PABIR2: variants seen among roughly 807,000 people sequenced by gnomAD.
PABIR2 encodes family with sequence similarity 122B.
In PABIR2, 7 loss-of-function variants were observed where a neutral mutation model predicts 22.8. The ratio of observed to expected loss-of-function variants is 0.31; its 90% CI spans 0.17 to 0.58. PABIR2 has a LOEUF of 0.58. Ranked by LOEUF, PABIR2 falls within the 20% of genes least tolerant of loss-of-function variation. The pLI is 0.89. For synonymous variants in PABIR2, 67 were observed against 73.8 expected, an observed-to-expected ratio of 0.91 and a Z score of 0.47; for missense variants, 155 against 205.1, an observed-to-expected ratio of 0.76 and a Z score of 1.49.
chrX:134,771,840 T>G lies in PABIR2; in HGVS notation c.*299A>C, dbSNP rs189173808. 1 of 866,711 alleles carries G rather than the reference T, an allele frequency of 1.2e-6. No individual in the cohort carries two copies. The highest frequency in any genetic ancestry group is 6.1e-5 in the East Asian group (1 of 16,380). The allele number at this position is 866,711 out of a possible 1,213,427, so 71.4% of individuals were successfully genotyped here. On this transcript the variant is annotated 3_prime_UTR_variant, in exon 10 of 10. Transcript: ENST00000343004. ...CAGTGCCTTTCTTAAATGTATAGAC[T>G]CAAAATAGGTGTTTTTTGAGGCACT...
At chrX:134,789,369 AAAT>A in intron 3 of PABIR2, 103 bp from the exon 4 acceptor site, 1 of 1,055,350 alleles carries the variant, frequency 9.5e-7, no homozygotes, top group East Asian at 3.1e-5. Flanking sequence ...GCTTCAAATA[AAAT>A]AAAAAGACTT....
At chrX:134,786,116 C>A (rs1274664889) in intron 7 of PABIR2, among the ~76,000 whole-genome samples, 166 bp from the exon 8 acceptor site, 1 of 112,240 alleles carries the variant, frequency 8.9e-6, no homozygotes, top group Admixed American at 9.5e-5. Flanking sequence ...TGATTTGAAC[C>A]AGCATATGGC....
rs1278932515 is a variant in PABIR2 at position 134,788,460 on chromosome X, A to G, written c.435+270T>C. ...ACGTTATATATGTGTTATATATGTT[A>G]TATATGTGTTATATATACGTTATAT... On this transcript the variant is annotated intron_variant, in intron 6 of 9. Transcript: ENST00000343004. Among the ~76,000 whole-genome samples the G allele has an allele frequency of 3.8e-5, 4 of 105,431 alleles. No individual in the cohort carries two copies. The East Asian group carries it at 1.1e-3, about 30-fold the overall frequency. The allele number at this position is 105,431 out of a possible 115,157, so 91.6% of individuals were successfully genotyped here.
chrX:134,785,989 C>T, intron 7 of PABIR2, 39 bp from the exon 8 acceptor site: 1 of 1,151,464 alleles, frequency 8.7e-7, no homozygotes, highest in South Asian at 1.8e-5. Context: ...TGAAGAACAT[C>T]CACGATGCAA....
rs752490727 is a variant in PABIR2 at position 134,789,631 on chromosome X, C to T, written c.183G>A (p.Leu61=). The T allele has an allele frequency of 3.5e-6, 4 of 1,151,650 alleles. No homozygotes were observed. Among genetic ancestry groups the T allele is most frequent in the East Asian group, 6.5e-5 (2 of 30,675 alleles). The allele number at this position is 1,151,650 out of a possible 1,213,427, so 94.9% of individuals were successfully genotyped here. The change falls in exon 3 of 10, where the codon CTG becomes CTA. Residue 61 remains leucine (L), a synonymous_variant. Coordinates refer to ENST00000343004, the MANE Select transcript of PABIR2 (RefSeq NM_001387468.1). ...TAGGAATACGATTAGGTGAGGATGACAGCAACTGGAAAGAAAAAGTAAACA... is the reference window on the plus strand; with the variant it reads ...TAGGAATACGATTAGGTGAGGATGATAGCAACTGGAAAGAAAAAGTAAACA... ...TTIMSRHSLL[L]SSSPNRIPSS...
In PABIR2 at chrX:134,784,323, G is replaced by A. The variant is rs75946086; in HGVS notation, c.562+1563C>T. ...TAAAAATACAGAAAATTCGCCAGGCGTGGTGGTGGTGGGTGCTTCTAATCC... is the reference window on the plus strand; with the variant it reads ...TAAAAATACAGAAAATTCGCCAGGCATGGTGGTGGTGGGTGCTTCTAATCC... On this transcript the variant is annotated intron_variant, in intron 8 of 9. Transcript: ENST00000343004. 3.7e-5 allele frequency among the ~76,000 whole-genome samples: 4 copies of A among 109,049 alleles called. No homozygotes were observed. In the East Asian group the frequency reaches 1.2e-3, roughly 32 times the overall value. 94.7% of individuals were successfully genotyped at this position (109,049 alleles called of 115,157 possible). A position where few individuals can be genotyped will look rare whatever the true frequency, so the allele number is the denominator to read the frequency against.
rs2078846588 is a variant in PABIR2, at chrX:134,771,946, A to C, written c.*193T>G. The C allele has an allele frequency of 1.0e-6, 1 of 957,249 alleles. No homozygotes were observed. The highest frequency in any genetic ancestry group is 5.5e-5 in the Admixed American group (1 of 18,344). The allele number at this position is 957,249 out of a possible 1,213,427, so 78.9% of individuals were successfully genotyped here. A position where few individuals can be genotyped will look rare whatever the true frequency, so the allele number is the denominator to read the frequency against. ...AATCCAAAATGAGATCAGCAAAACC[A>C]GATACTAGTAAGGTCACTAGGCTCA... On this transcript the variant is annotated 3_prime_UTR_variant, in exon 10 of 10. Coordinates refer to ENST00000343004, the MANE Select transcript of PABIR2 (RefSeq NM_001387468.1).
rs1409294317 is a variant in PABIR2, at chrX:134,796,249, G to A, written c.-44C>T. 2 of 1,083,908 alleles carry A rather than the reference G, an allele frequency of 1.8e-6. No individual in the cohort carries two copies. The highest frequency in any genetic ancestry group is 4.5e-5 in the Admixed American group (2 of 44,450). 89.3% of individuals were successfully genotyped at this position (1,083,908 alleles called of 1,213,427 possible). A position where few individuals can be genotyped will look rare whatever the true frequency, so the allele number is the denominator to read the frequency against. On this transcript the variant is annotated 5_prime_UTR_variant, in exon 1 of 10. Transcript: ENST00000343004. ...CACAGCGGGCAGTGCTCAGCTCCTG[G>A]TGCTTAGCTATGGACTCCCAAGACT...
At position 134,770,177 on chromosome X, in the gene PABIR2, C is replaced by G. The variant is rs2147861341; in HGVS notation, c.*1962G>C. On this transcript the variant is annotated 3_prime_UTR_variant, in exon 10 of 10. Transcript: ENST00000343004. ...AGAAGACAGTAGGTGGATAAATATC[C>G]TGAAAGACAAAACCATCTATTATCA... 8.9e-6 allele frequency: 1 copy of G among 112,268 alleles called. No individual in the cohort carries two copies. Among genetic ancestry groups the G allele is most frequent in the East Asian group, 2.8e-4 (1 of 3,581 alleles). 9.3% of individuals were successfully genotyped at this position (112,268 alleles called of 1,213,427 possible).
rs2079244340 is a variant in PABIR2 at position 134,784,327 on chromosome X, TG to T, written c.562+1558del. On this transcript the variant is annotated intron_variant, in intron 8 of 9. Coordinates refer to ENST00000343004, the MANE Select transcript of PABIR2 (RefSeq NM_001387468.1). ...AATACAGAAAATTCGCCAGGCGTGG[TG>T]GTGGTGGGTGCTTCTAATCCCAGCT... Among the ~76,000 whole-genome samples the T allele has an allele frequency of 1.8e-5, 2 of 108,762 alleles. 1 individual carries two copies. Among genetic ancestry groups the T allele is most frequent in the Admixed American group, 2.0e-4 (2 of 10,035 alleles). The allele number at this position is 108,762 out of a possible 115,157, so 94.4% of individuals were successfully genotyped here. A position where few individuals can be genotyped will look rare whatever the true frequency, so the allele number is the denominator to read the frequency against.
intron 2 of PABIR2, 62 bp downstream of exon 2, chrX:134,793,753 A>G: frequency 3.7e-6 from 4 of 1,087,869 alleles, no homozygotes; most frequent in Non-Finnish European, 5.1e-6. Flanking sequence ...TTTAAGAAAG[A>G]ACTCCATTTC....
At chrX:134,772,316 T>C in intron 9 of PABIR2, 33 bp from the exon 10 acceptor site, 4 of 1,154,498 alleles carry the variant, frequency 3.5e-6, no homozygotes, top group Non-Finnish European at 3.5e-6. Flanking sequence ...TATAAGCAAA[T>C]GCAACTATCA....
Position 134,793,896 on chromosome X carries a change from G to GA in PABIR2, c.99-4dup, listed in dbSNP as rs2064340919. 3.3e-6 allele frequency: 4 copies of GA among 1,196,377 alleles called. No homozygotes were observed. The highest frequency in any genetic ancestry group is 4.5e-6 in the Non-Finnish European group (4 of 890,678). On this transcript the variant is annotated splice_region_variant and splice_polypyrimidine_tract_variant and intron_variant, in intron 1 of 9. Coordinates refer to ENST00000343004, the MANE Select transcript of PABIR2 (RefSeq NM_001387468.1). ...GTTGGAAAACCTGTGAAAGGTCACTGAAAAAAACAAAAACAAACAAACAAA... is the reference window on the plus strand; with the variant it reads ...GTTGGAAAACCTGTGAAAGGTCACTGAAAAAAAACAAAAACAAACAAACAAA...
At chrX:134,788,217 ACAC>A (rs2079411677) in intron 6 of PABIR2, among the ~76,000 whole-genome samples, 1 of 54,848 alleles carries the variant, frequency 1.8e-5, no homozygotes, top group East Asian at 5.4e-4. Context: ...TGTAATATAT[ACAC>A]GTTATATATG....
chrX:134,775,543 T>G (rs1469810039), intron 9 of PABIR2, among the ~76,000 whole-genome samples: 1 of 98,178 alleles, frequency 1.0e-5, no homozygotes, highest in Non-Finnish European at 2.0e-5. Context: ...AAAAAAAAAG[T>G]ACTTATGACT....
rs1400948215 is a variant in PABIR2, at chrX:134,796,270, A to G, written c.-65T>C. 58 of 834,049 alleles carry G rather than the reference A, an allele frequency of 7.0e-5. No individual in the cohort carries two copies. Among genetic ancestry groups the G allele is most frequent in the Non-Finnish European group, 9.4e-5 (57 of 609,082 alleles). 68.7% of individuals were successfully genotyped at this position (834,049 alleles called of 1,213,427 possible). ...CCTGGTGCTTAGCTATGGACTCCCA[A>G]GACTCTCACTGCAGGACTGAGCTGC... On this transcript the variant is annotated 5_prime_UTR_variant, in exon 1 of 10. Coordinates refer to ENST00000343004, the MANE Select transcript of PABIR2 (RefSeq NM_001387468.1).
At position 134,796,436 on chromosome X, in the gene PABIR2, G is replaced by A. The variant is rs894772483; in HGVS notation, c.-231C>T. ...GGAGGATGATGGTGAGGCAGGAGAG[G>A]AGGACGAAGAGGTAGTGGTGGAAGG... On this transcript the variant is annotated 5_prime_UTR_variant, in exon 1 of 10. Coordinates refer to ENST00000343004, the MANE Select transcript of PABIR2 (RefSeq NM_001387468.1). 2 of 371,929 alleles carry A rather than the reference G, an allele frequency of 5.4e-6. No homozygotes were observed. Among genetic ancestry groups the A allele is most frequent in the African/African-American group, 5.4e-5 (2 of 37,307 alleles). The allele number at this position is 371,929 out of a possible 1,213,427, so 30.7% of individuals were successfully genotyped here.
intron 3 of PABIR2, 110 bp downstream of exon 3, chrX:134,789,470 T>C (rs2079483361): frequency 1.2e-6 from 1 of 838,101 alleles, no homozygotes; most frequent in Admixed American, 2.7e-5. Context: ...AATTATAATC[T>C]GTCTCCAACT....
Position 134,772,048 on chromosome X carries a change from A to C in PABIR2, c.*91T>G. On this transcript the variant is annotated 3_prime_UTR_variant, in exon 10 of 10. Transcript: ENST00000343004. ...AATGTGTGAAATCTGTAAAACTTTA[A>C]TCCTCATTATGGATCAAAGTTCTCT... 1 of 1,082,033 alleles carries C rather than the reference A, an allele frequency of 9.2e-7. No homozygotes were observed. Among genetic ancestry groups the C allele is most frequent in the Non-Finnish European group, 1.2e-6 (1 of 827,887 alleles). The allele number at this position is 1,082,033 out of a possible 1,213,427, so 89.2% of individuals were successfully genotyped here.
Sources: allele counts gnomAD v4.1 joint callset (sites outside exome capture counted in the v4.1 genomes callset), GRCh38; gene constraint gnomAD v4.1.1; transcripts MANE v1.5; gene names NCBI Gene and HGNC (gene_info 2026-07-23, HGNC 2026-07-21).